Variants in PCNX1 observed in about 807,000 individuals in gnomAD.
The protein encoded by PCNX1 is pecanex 1, also known as pecanex-like protein 1.
A neutral mutation model predicts 242.2 loss-of-function variants in PCNX1; 78 were observed. The observed-to-expected ratio is 0.32, with a 90% CI of 0.27 to 0.39. The LOEUF (loss-of-function observed/expected upper bound fraction) is 0.39, where lower values mean the gene tolerates loss of function less well. PCNX1 is among the 10% of genes least tolerant of loss of function. The probability of loss-of-function intolerance (pLI) is 1.00; values close to 1 mark genes in which losing one functional copy is unlikely to be tolerated. For synonymous variants in PCNX1, 1,024 were observed against 1,032.9 expected (o/e 0.99, Z 0.17); for missense variants, 2,581 against 2,856.5 (o/e 0.90, Z 2.20).
intron 28 of PCNX1, among the ~76,000 whole-genome samples, 166 bp from the exon 29 acceptor site, chr14:71,088,164 A>G (rs929182022): frequency 3.3e-5 from 5 of 152,176 alleles, no homozygotes; most frequent in African/African-American, 1.2e-4. Context: ...GAAACTCCCC[A>G]TACACATTCA....
chr14:70,999,520 G>A (rs1377850898), intron 8 of PCNX1, among the ~76,000 whole-genome samples: 2 of 152,166 alleles, frequency 1.3e-5, no homozygotes, highest in African/African-American at 4.8e-5. Context: ...ATCATGAGTA[G>A]TATTTCTCTG....
chr14:71,001,578 A>G (rs776207538), intron 8 of PCNX1, among the ~76,000 whole-genome samples: 1 of 152,188 alleles, frequency 6.6e-6, no homozygotes, highest in Non-Finnish European at 1.5e-5. Flanking sequence ...ACTTACAGGG[A>G]CAGGTTGAGA....
chr14:71,004,607 TGCCAGAAAGGTTGGGG>T (rs1417236136), intron 8 of PCNX1, among the ~76,000 whole-genome samples: 6 of 152,190 alleles, frequency 3.9e-5, no homozygotes, highest in East Asian at 1.9e-4. Flanking sequence ...TGGTCCCTTA[TGCCAGAAAGGTTGGGG>T]GCCAGAAAGG....
chr14:71,074,768 G>A (rs1014621570), intron 27 of PCNX1, among the ~76,000 whole-genome samples: 3 of 152,084 alleles, frequency 2.0e-5, no homozygotes, highest in Admixed American at 6.5e-5. Flanking sequence ...AAGGCTTAGC[G>A]GTTACCCCCT....
chr14:71,051,987 G>A lies in PCNX1; in HGVS notation c.4552G>A (p.Val1518Met). ...ATTCATCACTTCATATGTCCGACCT[G>A]TGAAATTCTGGGAGAGAGACTATAA... is the stretch of plus-strand genomic sequence containing the variant. ...AIFITSYVRPVKFWERDYNTK... is the reference protein window; with the variant it reads ...AIFITSYVRPMKFWERDYNTK... Residue 1518 changes from valine (V) to methionine (M), a missense_variant, in exon 24 of 36, where the codon GTG (valine) becomes ATG (methionine). Val to Met is a conservative substitution (Grantham distance 21). Transcript: ENST00000304743. The A allele has an allele frequency of 1.2e-6, 2 of 1,613,084 alleles. No homozygotes were observed. Among genetic ancestry groups the A allele is most frequent in the Non-Finnish European group, 1.7e-6 (2 of 1,179,434 alleles).
rs752938141 is a variant in PCNX1 at position 71,103,620 on chromosome 14, C to T, written c.6046C>T (p.Pro2016Ser). 1.1e-5 allele frequency: 17 copies of T among 1,614,086 alleles called. No homozygotes were observed. Among genetic ancestry groups the T allele is most frequent in the East Asian group, 2.2e-5 (1 of 44,876 alleles). ...HEQLKDILGG[P>S]ISLGNIRNFI... is the part of the protein sequence containing the mutation. ...ACAGCTTAAAGACATTCTTGGGGGT[C>T]CTATCAGCTTGGGAAATATCAGGAA... The change falls in exon 32 of 36, where the codon CCT becomes TCT. Residue 2016 changes from proline (P) to serine (S), a missense_variant. By Grantham distance (74) the Pro-to-Ser change is moderately conservative. This residue lies in a region of PCNX1 where 432 missense variants were observed against 433.6 expected (regional missense o/e 1.00). Coordinates refer to ENST00000304743, the MANE Select transcript of PCNX1 (RefSeq NM_014982.3).
chr14:70,933,594 T>A (rs956218804), intron 1 of PCNX1, among the ~76,000 whole-genome samples: 2 of 152,170 alleles, frequency 1.3e-5, no homozygotes, highest in Non-Finnish European at 2.9e-5. Context: ...TTCCAACAGA[T>A]CATCTACAAA....
At chr14:70,957,037 C>T (rs2058023875) in intron 2 of PCNX1, among the ~76,000 whole-genome samples, 2 of 151,384 alleles carry the variant, frequency 1.3e-5, no homozygotes, top group Admixed American at 6.6e-5. Flanking sequence ...GCTCTGTTGC[C>T]CAGGCTGGAG....
Position 71,109,864 on chromosome 14 carries a change from C to G in PCNX1, c.6955C>G (p.Leu2319Val). The change falls in exon 36 of 36, where the codon CTG (leucine) becomes GTG (valine). Residue 2319 changes from leucine to valine, a missense_variant. Transcript: ENST00000304743. ...ATCCCACATCGACAAGGCAGTGCTT[C>G]TGGTCCAGATTGATGATAAATATGT... The part of the protein sequence containing the change: ...TRSHIDKAVL[L>V]VQIDDKYVTV... The G allele has an allele frequency of 6.2e-7, 1 of 1,613,144 alleles. No homozygotes were observed. Among genetic ancestry groups the G allele is most frequent in the Non-Finnish European group, 8.5e-7 (1 of 1,179,214 alleles).
At position 70,907,797 on chromosome 14, in the gene PCNX1, C is replaced by T. The variant is rs1594853568; in HGVS notation, c.-54C>T. The T allele has an allele frequency of 8.2e-6, 10 of 1,220,920 alleles. No homozygotes were observed. The highest frequency in any genetic ancestry group is 1.0e-5 in the Non-Finnish European group (10 of 980,196). 75.6% of individuals were successfully genotyped at this position (1,220,920 alleles called of 1,614,324 possible). On this transcript the variant is annotated 5_prime_UTR_variant, in exon 1 of 36. Coordinates refer to ENST00000304743, the MANE Select transcript of PCNX1 (RefSeq NM_014982.3). ...TCCGGCGACCGAGGCCGAGCTGGGG[C>T]CGGGGCGGGGACGGCGGCGGCGGCG... is the stretch of plus-strand genomic sequence containing the variant.
chr14:71,062,022 A>G (rs146484926), intron 26 of PCNX1, among the ~76,000 whole-genome samples: 177 of 152,356 alleles, frequency 1.2e-3, no homozygotes, highest in Non-Finnish European at 1.9e-3. Flanking sequence ...AAAAAGTTTG[A>G]AAACATGGAC....
intron 2 of PCNX1, among the ~76,000 whole-genome samples, chr14:70,949,385 A>G (rs1218028823): frequency 1.1e-5 from 1 of 89,314 alleles, no homozygotes; most frequent in Non-Finnish European, 2.6e-5. Flanking sequence ...ATACGTGTAT[A>G]TACATATGTG....
chr14:70,985,674 C>T (rs984831238), intron 6 of PCNX1, among the ~76,000 whole-genome samples: 13 of 152,200 alleles, frequency 8.5e-5, no homozygotes, highest in Non-Finnish European at 1.6e-4. Flanking sequence ...TTGTCATTCA[C>T]GGTTTTTGAA....
intron 11 of PCNX1, among the ~76,000 whole-genome samples, chr14:71,014,151 G>T (rs1027708054): frequency 2.0e-5 from 3 of 152,186 alleles, no homozygotes; most frequent in African/African-American, 7.2e-5. Flanking sequence ...ATATTTTATG[G>T]TGCCTTGTGT....
chr14:71,108,453 TTTC>T, intron 33 of PCNX1, 148 bp from the exon 34 acceptor site: 1 of 553,684 alleles, frequency 1.8e-6, no homozygotes, highest in African/African-American at 1.9e-5. Flanking sequence ...CGTATTTCTT[TTTC>T]TTAACTTTAA....
chr14:70,955,094 A>G (rs1246202765), intron 2 of PCNX1, among the ~76,000 whole-genome samples: 1 of 152,248 alleles, frequency 6.6e-6, no homozygotes, highest in Non-Finnish European at 1.5e-5. Context: ...TATGTGGTAC[A>G]GCAGGTAAAA....
intron 26 of PCNX1, 32 bp downstream of exon 26, chr14:71,057,756 G>T (rs751180136): frequency 9.9e-6 from 14 of 1,413,494 alleles, no homozygotes; most frequent in African/African-American, 1.4e-5. Context: ...TATTTCTGTA[G>T]CATACTCCTG....
rs2059805810 is a variant in PCNX1, at chr14:71,010,969, T to C, written c.2721-523T>C. On this transcript the variant is annotated intron_variant, in intron 9 of 35. Transcript: ENST00000304743. ...TACTGTTACCCTGATTCTGTAACAA[T>C]GGAAACAGTAGGAGGAGGGAGGGAT... Among the ~76,000 whole-genome samples, 3 of 152,212 alleles carry C rather than the reference T, an allele frequency of 2.0e-5. No individual in the cohort carries two copies. In the South Asian group the frequency reaches 6.2e-4, roughly 32 times the overall value.
intron 1 of PCNX1, among the ~76,000 whole-genome samples, chr14:70,925,568 C>CTTTT (rs71305848): frequency 3.7e-4 from 40 of 106,862 alleles, no homozygotes; most frequent in African/African-American, 6.7e-4. Flanking sequence ...CTTACCTCAT[C>CTTTT]TTTTTTTTTT....
Sources: allele counts gnomAD v4.1 joint callset (sites outside exome capture counted in the v4.1 genomes callset), GRCh38; gene constraint gnomAD v4.1.1; regional missense constraint gnomAD v4.1.1; transcripts MANE v1.5; gene names NCBI Gene and HGNC (gene_info 2026-07-23, HGNC 2026-07-21).